Variants in SPP2 observed in about 807,000 individuals in gnomAD.
SPP2 encodes secreted phosphoprotein 2.
SPP2 carries 34 observed loss-of-function variants against 28.8 expected under a neutral mutation model. The ratio of observed to expected loss-of-function variants is 1.18; its 90% CI spans 0.90 to 1.57. SPP2 has a LOEUF of 1.57. Among genes scored for constraint, SPP2 ranks in the 40% most tolerant of loss-of-function variants. The pLI, the probability that SPP2 is intolerant of heterozygous loss-of-function variation, is 0.00. For synonymous variants in SPP2, 96 were observed against 89.4 expected, an observed-to-expected ratio of 1.07 and a Z score of -0.42; for missense variants, 269 against 263.9, an observed-to-expected ratio of 1.02 and a Z score of -0.13.
At chr2:234,059,849 A>ATTG (rs1316669064) in intron 3 of SPP2, among the ~76,000 whole-genome samples, 1 of 152,208 alleles carries the variant, frequency 6.6e-6, no homozygotes. Flanking sequence ...GAAAAGGGCA[A>ATTG]CACCAGCAGT....
intron 6 of SPP2, among the ~76,000 whole-genome samples, chr2:234,068,437 C>T (rs1225089613): frequency 6.6e-6 from 1 of 152,200 alleles, no homozygotes; most frequent in African/African-American, 2.4e-5. Context: ...ACTGCGAAAT[C>T]CACCTGATGT....
rs993362196 is a variant in SPP2, at chr2:234,074,797, C to T, written c.*11-2048C>T. On this transcript the variant is annotated intron_variant, in intron 7 of 7. Coordinates refer to ENST00000168148, the MANE Select transcript of SPP2 (RefSeq NM_006944.3). ...CTTTATGTGTGTTTCTGTTTAGATGCCGTATTTAATAGATACTGTTGACTC... is the reference window on the plus strand; with the variant it reads ...CTTTATGTGTGTTTCTGTTTAGATGTCGTATTTAATAGATACTGTTGACTC... Among the ~76,000 whole-genome samples the T allele has an allele frequency of 2.1e-4, 32 of 152,170 alleles. No homozygotes were observed. In the South Asian group the frequency reaches 3.5e-3, roughly 17 times the overall value.
Position 234,052,573 on chromosome 2 carries a change from A to G in SPP2, c.210+1478A>G, listed in dbSNP as rs190274508. 2.0e-5 allele frequency among the ~76,000 whole-genome samples: 3 copies of G among 152,284 alleles called. No individual in the cohort carries two copies. The East Asian group carries it at 5.8e-4, about 29-fold the overall frequency. On this transcript the variant is annotated intron_variant, in intron 2 of 7. Coordinates refer to ENST00000168148, the MANE Select transcript of SPP2 (RefSeq NM_006944.3). The stretch of plus-strand genomic sequence containing the variant: ...TCTGGCTCATGTGCCATCTTGGTAT[A>G]GTCACCCAGACTTGAGCCCAGACGC...
chr2:234,069,798 T>C, intron 6 of SPP2, 130 bp from the exon 7 acceptor site: 1 of 668,360 alleles, frequency 1.5e-6, no homozygotes, highest in Non-Finnish European at 2.7e-6. Flanking sequence ...CACCCTCAGG[T>C]ATTCTCATGG....
At chr2:234,073,297 G>A (rs775397708) in intron 7 of SPP2, among the ~76,000 whole-genome samples, 2 of 152,146 alleles carry the variant, frequency 1.3e-5, no homozygotes, top group African/African-American at 4.8e-5. Flanking sequence ...AATATCTTTT[G>A]TCCATTTCAT....
At chr2:234,056,354 C>T (rs1240632691) in intron 2 of SPP2, 1 of 152,180 alleles carries the variant, frequency 6.6e-6, no homozygotes, top group African/African-American at 2.4e-5. Context: ...AAATGCAAAT[C>T]AAAACCACAA....
chr2:234,059,437 C>T (rs1002997091), intron 3 of SPP2, among the ~76,000 whole-genome samples: 4 of 152,218 alleles, frequency 2.6e-5, no homozygotes, highest in African/African-American at 9.6e-5. Context: ...AGAACATGTA[C>T]AGCACTGTTC....
rs1690752299 is a variant in SPP2 at position 234,070,760 on chromosome 2, C to G, written c.*10+737C>G. Among the ~76,000 whole-genome samples, 3 of 152,200 alleles carry G rather than the reference C, an allele frequency of 2.0e-5. No homozygotes were observed. The South Asian group carries it at 6.2e-4, about 31-fold the overall frequency. ...TACAGGTGTGAGCCACCACGCCTGG[C>G]CGACGTATGCTTTAAATACTGGTGA... is the stretch of plus-strand genomic sequence containing the variant. On this transcript the variant is annotated intron_variant, in intron 7 of 7. Coordinates refer to ENST00000168148, the MANE Select transcript of SPP2 (RefSeq NM_006944.3).
At chr2:234,055,996 C>T (rs1693599982) in intron 2 of SPP2, 1 of 152,026 alleles carries the variant, frequency 6.6e-6, no homozygotes, top group South Asian at 2.1e-4. Context: ...GTGTGCTGCA[C>T]CCATTAACTC....
intron 2 of SPP2, among the ~76,000 whole-genome samples, chr2:234,055,141 A>C (rs1574822835): frequency 7.9e-6 from 1 of 127,290 alleles, no homozygotes. Flanking sequence ...ATATGAATAT[A>C]TGAGAGAGAG....
intron 2 of SPP2, among the ~76,000 whole-genome samples, chr2:234,057,031 C>A (rs1693622774): frequency 6.6e-6 from 1 of 152,064 alleles, no homozygotes; most frequent in Admixed American, 6.5e-5. Flanking sequence ...GTGTTGCTGA[C>A]TTCAATTTGC....
At chr2:234,059,043 G>T in intron 3 of SPP2, 85 bp downstream of exon 3, 3 of 1,508,004 alleles carry the variant, frequency 2.0e-6, no homozygotes, top group Non-Finnish European at 2.7e-6. Flanking sequence ...AAAGAACTTG[G>T]TCGCTGCCTG....
At chr2:234,070,283 G>A (rs1424535390) in intron 7 of SPP2, among the ~76,000 whole-genome samples, 5 of 152,124 alleles carry the variant, frequency 3.3e-5, no homozygotes, top group African/African-American at 9.7e-5. Flanking sequence ...AACAACAAGG[G>A]CACAGCCCCT....
chr2:234,067,905 A>G (rs895271891), intron 6 of SPP2, among the ~76,000 whole-genome samples: 10 of 151,592 alleles, frequency 6.6e-5, no homozygotes, highest in African/African-American at 1.9e-4. Flanking sequence ...AGTAGCATGA[A>G]CTCTAATATA....
chr2:234,056,200 T>C (rs1001172611), intron 2 of SPP2: 2 of 151,956 alleles, frequency 1.3e-5, no homozygotes, highest in Non-Finnish European at 2.9e-5. Context: ...GAATCTACAA[T>C]GAACTCAAAC....
intron 2 of SPP2, 102 bp from the exon 3 acceptor site, chr2:234,058,734 A>G (rs901852109): frequency 7.5e-7 from 1 of 1,334,042 alleles, no homozygotes; most frequent in African/African-American, 1.5e-5. Flanking sequence ...TTCATGGTGG[A>G]CAATTCTGTA....
intron 6 of SPP2, 55 bp downstream of exon 6, chr2:234,067,329 T>C: frequency 6.8e-7 from 1 of 1,471,782 alleles, no homozygotes; most frequent in Non-Finnish European, 9.5e-7. Context: ...CAATCTGGAC[T>C]CCTGAGAAAT....
At chr2:234,071,395 A>G (rs953426270) in intron 7 of SPP2, among the ~76,000 whole-genome samples, 3 of 152,166 alleles carry the variant, frequency 2.0e-5, no homozygotes, top group South Asian at 4.1e-4. Context: ...CCCCAGTTCT[A>G]TAGAAAGCTA....
At chr2:234,052,010 A>G (rs1354729209) in intron 2 of SPP2, among the ~76,000 whole-genome samples, 2 of 152,210 alleles carry the variant, frequency 1.3e-5, no homozygotes, top group East Asian at 3.8e-4. Context: ...GTCTCCAAAT[A>G]CAACATATTC....
Sources: gnomAD v4.1 joint callset for allele counts (sites outside exome capture counted in the v4.1 genomes callset) on GRCh38, gnomAD v4.1.1 for gene constraint, MANE v1.5 for transcripts, NCBI Gene and HGNC (gene_info 2026-07-23, HGNC 2026-07-21) for gene names.